The following TPRG1 variants were observed in gnomAD, a reference collection of about 807,000 sequenced individuals.
TPRG1 encodes tumor protein p63 regulated 1, also known as tumor protein p63-regulated gene 1 protein.
In TPRG1, 29 loss-of-function variants were observed where a neutral mutation model predicts 29.3. The ratio of observed to expected loss-of-function variants is 0.99; its 90% confidence interval spans 0.74 to 1.35. The LOEUF (loss-of-function observed/expected upper bound fraction) is 1.35. Among genes scored for constraint, TPRG1 ranks in the 40% most tolerant of loss-of-function variants. TPRG1 has a pLI of 0.00. For missense variants in TPRG1, 327 were observed against 335.0 expected, an observed-to-expected ratio of 0.98 and a Z score of 0.19; for synonymous variants, 130 against 116.8, an observed-to-expected ratio of 1.11 and a Z score of -0.73.
At chr3:189,141,448 A>G (rs1578506857) in intron 3 of TPRG1, among the ~76,000 whole-genome samples, 1 of 152,202 alleles carries the variant, frequency 6.6e-6, no homozygotes, top group African/African-American at 2.4e-5. Context: ...GTTTCTAACA[A>G]GCTGCTCTTG....
chr3:189,085,204 AT>A (rs1397778565), intron 4 of TPRG1, among the ~76,000 whole-genome samples: 9 of 152,294 alleles, frequency 5.9e-5, no homozygotes, highest in African/African-American at 2.2e-4. Context: ...GCATAGGTAC[AT>A]TACGGTCCTA....
intron 4 of TPRG1, among the ~76,000 whole-genome samples, chr3:189,279,083 T>A (rs1196548630): frequency 6.6e-6 from 1 of 152,250 alleles, no homozygotes; most frequent in African/African-American, 2.4e-5. Context: ...ATACAGTATC[T>A]GCTTCAACTG....
At chr3:189,069,411 T>G (rs1009646634) in intron 4 of TPRG1, among the ~76,000 whole-genome samples, 8 of 152,190 alleles carry the variant, frequency 5.3e-5, no homozygotes, top group Non-Finnish European at 1.2e-4. Flanking sequence ...CTTTCGGTGA[T>G]GGAACTGTTC....
chr3:189,280,460 A>C (rs1025921868), intron 4 of TPRG1, among the ~76,000 whole-genome samples: 5 of 152,172 alleles, frequency 3.3e-5, no homozygotes, highest in Non-Finnish European at 7.3e-5. Context: ...TATTAATAAT[A>C]GGAATTGAAA....
chr3:189,150,470 C>T (rs558737392), intron 4 of TPRG1, among the ~76,000 whole-genome samples: 6 of 152,270 alleles, frequency 3.9e-5, no homozygotes, highest in South Asian at 4.1e-4. Flanking sequence ...CATGAGCCAC[C>T]GCGCCGAGAT....
At chr3:189,063,108 G>A (rs1474513583) in intron 4 of TPRG1, among the ~76,000 whole-genome samples, 2 of 151,980 alleles carry the variant, frequency 1.3e-5, no homozygotes, top group Non-Finnish European at 2.9e-5. Context: ...TGCAGGTGTG[G>A]TGTATTAATA....
chr3:189,079,078 T>C (rs921750107), intron 4 of TPRG1, among the ~76,000 whole-genome samples: 2 of 152,092 alleles, frequency 1.3e-5, no homozygotes, highest in East Asian at 1.9e-4. Context: ...CTCAGGAAGC[T>C]TCCAATTATG....
rs16864010 is a variant in TPRG1, at chr3:189,144,611, T to A, written c.-290-2973T>A. On this transcript the variant is annotated intron_variant, in intron 3 of 6. Coordinates refer to the TPRG1 transcript ENST00000412373. ...GATTACTTGCATCTTATCACAGGACTAAACAGTGAAGCCAGGAAATAGTAT... is the reference window on the plus strand; with the variant it reads ...GATTACTTGCATCTTATCACAGGACAAAACAGTGAAGCCAGGAAATAGTAT... Among the ~76,000 whole-genome samples the A allele has an allele frequency of 4.6e-5, 7 of 152,080 alleles. No individual in the cohort carries two copies. In the South Asian group the frequency reaches 8.3e-4, roughly 18 times the overall value.
At chr3:189,099,121 T>C (rs1718895000), upstream of TPRG1, among the ~76,000 whole-genome samples, 1 of 152,186 alleles carries the variant, frequency 6.6e-6, no homozygotes, top group Non-Finnish European at 1.5e-5. Flanking sequence ...TGTTGCTGTC[T>C]GTTGGCAGGC....
intron 1 of TPRG1, among the ~76,000 whole-genome samples, chr3:189,101,447 C>T (rs1719188172): frequency 6.6e-6 from 1 of 152,124 alleles, no homozygotes; most frequent in Non-Finnish European, 1.5e-5. Flanking sequence ...TCCAAGTCCT[C>T]CACATTTCAC....
intron 4 of TPRG1, among the ~76,000 whole-genome samples, chr3:189,088,265 A>G (rs1718093819): frequency 6.6e-6 from 1 of 152,060 alleles, no homozygotes; most frequent in African/African-American, 2.4e-5. Context: ...CTTTGAAGCA[A>G]TTGTGAATGG....
chr3:189,294,163 A>G (rs1233845782), intron 4 of TPRG1, among the ~76,000 whole-genome samples: 2 of 152,234 alleles, frequency 1.3e-5, no homozygotes, highest in African/African-American at 4.8e-5. Context: ...CCAGATGGTT[A>G]TGCCCATAGG....
chr3:189,089,532 C>A (rs1222237003), intron 4 of TPRG1, among the ~76,000 whole-genome samples: 1 of 152,114 alleles, frequency 6.6e-6, no homozygotes, highest in African/African-American at 2.4e-5. Flanking sequence ...TTTCTTACAG[C>A]TATGGAGGCT....
intron 3 of TPRG1, among the ~76,000 whole-genome samples, chr3:189,016,830 C>G (rs1413882337): frequency 6.6e-6 from 1 of 152,126 alleles, no homozygotes; most frequent in African/African-American, 2.4e-5. Flanking sequence ...CTGAGGCCCC[C>G]CAGTCATGCT....
At chr3:189,140,359 C>A (rs1724379796) in intron 3 of TPRG1, among the ~76,000 whole-genome samples, 1 of 152,138 alleles carries the variant, frequency 6.6e-6, no homozygotes, top group African/African-American at 2.4e-5. Context: ...GCTTTGTGTG[C>A]CTCAGTTACT....
intron 5 of TPRG1, among the ~76,000 whole-genome samples, chr3:189,311,721 C>CCAAGCTAGT (rs1339371640): frequency 1.1e-4 from 16 of 152,162 alleles, no homozygotes; most frequent in African/African-American, 3.9e-4. Context: ...TGACACTAAA[C>CCAAGCTAGT]TAGCTTGGTA....
At chr3:189,060,868 C>T (rs531137127) in intron 4 of TPRG1, among the ~76,000 whole-genome samples, 3 of 152,096 alleles carry the variant, frequency 2.0e-5, no homozygotes, top group Non-Finnish European at 4.4e-5. Context: ...GGCCATACTG[C>T]CCAAAGCATT....
At chr3:189,112,261 T>C (rs1236999865) in intron 1 of TPRG1, among the ~76,000 whole-genome samples, 2 of 152,210 alleles carry the variant, frequency 1.3e-5, no homozygotes, top group Non-Finnish European at 2.9e-5. Context: ...TATAATTTTC[T>C]CTCTTTCTTG....
intron 3 of TPRG1, among the ~76,000 whole-genome samples, chr3:189,012,365 C>G (rs1474248795): frequency 1.3e-4 from 1 of 7,598 alleles, no homozygotes; most frequent in Non-Finnish European, 6.8e-4. Context: ...TTATCTAAGG[C>G]CTTTTCTGCA....
Sources: allele counts gnomAD v4.1 joint callset (sites outside exome capture counted in the v4.1 genomes callset), GRCh38; gene constraint gnomAD v4.1.1; transcripts MANE v1.5; gene names NCBI Gene and HGNC (gene_info 2026-07-23, HGNC 2026-07-21).